The following PPIP5K2 variants were observed in gnomAD, a reference collection of about 807,000 sequenced individuals.
The protein encoded by PPIP5K2 is inositol hexakisphosphate and diphosphoinositol-pentakisphosphate kinase 2.
PPIP5K2 carries 105 observed loss-of-function variants against 154.6 expected under a neutral mutation model. The ratio of observed to expected loss-of-function variants is 0.68; its 90% CI spans 0.58 to 0.80. PPIP5K2 has a LOEUF of 0.80. Ranked by LOEUF, PPIP5K2 falls within the 30% of genes least tolerant of loss-of-function variation. The probability of loss-of-function intolerance (pLI) is 0.00; values close to 1 mark genes in which losing one functional copy is unlikely to be tolerated. For missense variants in PPIP5K2, 992 were observed against 1,504.6 expected, an observed-to-expected ratio of 0.66 and a Z score of 5.64; for synonymous variants, 480 against 490.3, an observed-to-expected ratio of 0.98 and a Z score of 0.28.
chr5:103,157,538 G>C (rs1159238871), intron 14 of PPIP5K2, among the ~76,000 whole-genome samples: 1 of 151,968 alleles, frequency 6.6e-6, no homozygotes, highest in Non-Finnish European at 1.5e-5. Context: ...AGCACTTTAG[G>C]AGGCCGAGGT....
intron 7 of PPIP5K2, among the ~76,000 whole-genome samples, chr5:103,148,558 A>G (rs1554210079): frequency 6.6e-6 from 1 of 152,146 alleles, no homozygotes; most frequent in Non-Finnish European, 1.5e-5. Context: ...AATCCTTAAA[A>G]ATTCTCTAGT....
Position 103,154,865 on chromosome 5 carries a change from T to C in PPIP5K2, c.1325T>C (p.Met442Thr), listed in dbSNP as rs1554212579. 4 of 1,602,028 alleles carry C rather than the reference T, an allele frequency of 2.5e-6. No homozygotes were observed. Among genetic ancestry groups the C allele is most frequent in the Admixed American group, 3.5e-5 (2 of 57,864 alleles). ...CTAGATATTGCACGACAGCTTCTTA[T>C]GGAGCTAGGGCAAAATAATGATTCT... is the stretch of plus-strand genomic sequence containing the variant. Reference protein sequence around the residue: ...EVLDIARQLLMELGQNNDSEI... With the variant: ...EVLDIARQLLTELGQNNDSEI... Residue 442 changes from methionine to threonine, a missense_variant, in exon 13 of 31, where the codon ATG (methionine) becomes ACG (threonine). Met to Thr is a moderately conservative substitution (Grantham distance 81). Transcript: ENST00000358359.
intron 1 of PPIP5K2, among the ~76,000 whole-genome samples, chr5:103,127,424 C>T (rs966335214): frequency 2.6e-5 from 4 of 152,138 alleles, no homozygotes; most frequent in African/African-American, 9.7e-5. Context: ...ACTAAAAGCT[C>T]CTTAAGGAAA....
intron 25 of PPIP5K2, 107 bp downstream of exon 25, chr5:103,183,514 C>T (rs547912288): frequency 1.0e-4 from 102 of 971,852 alleles, no homozygotes; most frequent in Non-Finnish European, 1.4e-4. Context: ...AGAGTAAATC[C>T]TTCTGTTTTT....
chr5:103,180,305 GTTAT>G, intron 24 of PPIP5K2, 117 bp downstream of exon 24: 1 of 766,204 alleles, frequency 1.3e-6, no homozygotes, highest in Non-Finnish European at 1.8e-6. Flanking sequence ...ATTTTTAAAT[GTTAT>G]TTAATCTATT....
At position 103,161,633 on chromosome 5, in the gene PPIP5K2, C is replaced by T. The variant is rs529541439; in HGVS notation, c.1920+2305C>T. Reference sequence around the variant, plus strand: ...CTCTCCAGCACCTGTTGTTTCCTGACTTTTTAATGATTGCCATTCTAACTG... The same window carrying T: ...CTCTCCAGCACCTGTTGTTTCCTGATTTTTTAATGATTGCCATTCTAACTG... On this transcript the variant is annotated intron_variant, in intron 17 of 30. Coordinates refer to ENST00000358359, the MANE Select transcript of PPIP5K2 (RefSeq NM_001276277.3). Among the ~76,000 whole-genome samples the T allele has an allele frequency of 7.8e-3, 1,183 of 152,256 alleles. 13 individuals carry two copies. Among genetic ancestry groups the T allele is most frequent in the African/African-American group, 0.026 (1,092 of 41,550 alleles).
chr5:103,168,429 A>G (rs1797463950), intron 19 of PPIP5K2, 134 bp downstream of exon 19: 1 of 657,034 alleles, frequency 1.5e-6, no homozygotes, highest in African/African-American at 1.9e-5. Flanking sequence ...TTAGGTAATT[A>G]TGAATTTATA....
At chr5:103,158,694 G>C in intron 16 of PPIP5K2, 121 bp downstream of exon 16, 2 of 765,566 alleles carry the variant, frequency 2.6e-6, no homozygotes, top group Non-Finnish European at 2.0e-6. Flanking sequence ...GGCTGAGGTG[G>C]TCAGATCACT....
At chr5:103,131,147 T>C (rs1474022428) in intron 2 of PPIP5K2, among the ~76,000 whole-genome samples, 1 of 152,196 alleles carries the variant, frequency 6.6e-6, no homozygotes, top group Non-Finnish European at 1.5e-5. Context: ...GGAATACTTC[T>C]TCCTCATTAC....
At chr5:103,163,058 A>G (rs1460693991) in intron 17 of PPIP5K2, among the ~76,000 whole-genome samples, 1 of 4,668 alleles carries the variant, frequency 2.1e-4, no homozygotes, top group Non-Finnish European at 4.6e-4. Flanking sequence ...AATACCTCCC[A>G]ACACCCCAAA....
At chr5:103,175,183 T>C (rs1798519188) in intron 21 of PPIP5K2, among the ~76,000 whole-genome samples, 1 of 152,194 alleles carries the variant, frequency 6.6e-6, no homozygotes, top group Non-Finnish European at 1.5e-5. Context: ...TATATAGTGA[T>C]GATTTGGTAT....
At chr5:103,178,040 C>G in intron 23 of PPIP5K2, 60 bp downstream of exon 23, 1 of 1,058,870 alleles carries the variant, frequency 9.4e-7, no homozygotes. Flanking sequence ...CATGAGGTTT[C>G]TATAAGAGAT....
chr5:103,143,916 A>G (rs535702820), intron 5 of PPIP5K2, among the ~76,000 whole-genome samples: 1 of 152,194 alleles, frequency 6.6e-6, no homozygotes, highest in Non-Finnish European at 1.5e-5. Flanking sequence ...ATTCAACATA[A>G]TACTGGAAAT....
At chr5:103,133,904 A>T (rs1310845645) in intron 3 of PPIP5K2, among the ~76,000 whole-genome samples, 1 of 152,038 alleles carries the variant, frequency 6.6e-6, no homozygotes, top group Non-Finnish European at 1.5e-5. Context: ...TTTTTCCCCT[A>T]CCATGTCATT....
intron 30 of PPIP5K2, among the ~76,000 whole-genome samples, chr5:103,196,228 T>C (rs191490921): frequency 6.6e-6 from 1 of 152,306 alleles, no homozygotes; most frequent in African/African-American, 2.4e-5. Flanking sequence ...CCACTGATAA[T>C]GTATTTATAT....
Position 103,173,716 on chromosome 5 carries a change from T to C in PPIP5K2, c.2415-142T>C, listed in dbSNP as rs1798304143. 7.7e-6 allele frequency: 5 copies of C among 646,314 alleles called. No individual in the cohort carries two copies. In the Admixed American group the frequency reaches 1.5e-4, roughly 19 times the overall value. The allele number at this position is 646,314 out of a possible 1,614,324, so 40.0% of individuals were successfully genotyped here. On this transcript the variant is annotated intron_variant, in intron 20 of 30. Transcript: ENST00000358359. ...GAAGAATATATACTAAGATAAATTCTCTATTGTGGTTGGAAGAATAATAGA... is the reference window on the plus strand; with the variant it reads ...GAAGAATATATACTAAGATAAATTCCCTATTGTGGTTGGAAGAATAATAGA...
At chr5:103,185,240 A>G (rs1462250335) in intron 26 of PPIP5K2, among the ~76,000 whole-genome samples, 2 of 152,174 alleles carry the variant, frequency 1.3e-5, no homozygotes, top group African/African-American at 4.8e-5. Flanking sequence ...ATTAACCTAT[A>G]GAACATAATT....
intron 1 of PPIP5K2, among the ~76,000 whole-genome samples, chr5:103,123,328 A>C (rs1193070628): frequency 6.6e-6 from 1 of 152,222 alleles, no homozygotes; most frequent in Non-Finnish European, 1.5e-5. Context: ...AAAGTTTTCA[A>C]ACCCAGTTTT....
intron 3 of PPIP5K2, among the ~76,000 whole-genome samples, chr5:103,135,723 C>G (rs1478756578): frequency 6.6e-6 from 1 of 151,952 alleles, no homozygotes; most frequent in East Asian, 1.9e-4. Context: ...GCCACTGCAC[C>G]TGGCATTAGT....
Sources: gnomAD v4.1 joint callset for allele counts (sites outside exome capture counted in the v4.1 genomes callset) on GRCh38, gnomAD v4.1.1 for gene constraint, MANE v1.5 for transcripts, NCBI Gene and HGNC (gene_info 2026-07-23, HGNC 2026-07-21) for gene names.